The following KANK1 variants were observed in gnomAD, a reference collection of about 807,000 sequenced individuals.
The protein encoded by KANK1 is KN motif and ankyrin repeat domains 1.
A neutral mutation model predicts 106.2 loss-of-function variants in KANK1; 109 were observed. That is an observed-to-expected ratio of 1.03 (90% confidence interval 0.88 to 1.20). The LOEUF is 1.20. Among genes scored for constraint, KANK1 ranks in the 50% most tolerant of loss-of-function variants. The pLI is 0.00. For missense variants in KANK1, 2,399 were observed against 1,710.7 expected, an observed-to-expected ratio of 1.40 and a Z score of -7.10; for synonymous variants, 873 against 652.2, an observed-to-expected ratio of 1.34 and a Z score of -5.16.
Position 711,292 on chromosome 9 carries a change from C to T in KANK1, c.526C>T (p.Pro176Ser), listed in dbSNP as rs201007675. ...EQERATMQMT[P>S]GEFRRPRLAS... Reference sequence around the variant, plus strand: ...GGAGAGAGCCACCATGCAGATGACACCGGGTGAGTTCAGAAGGCCCAGGCT... The same window carrying T: ...GGAGAGAGCCACCATGCAGATGACATCGGGTGAGTTCAGAAGGCCCAGGCT... Residue 176 changes from proline to serine, a missense_variant, in exon 3 of 12, where the codon CCG becomes TCG. Coordinates refer to ENST00000382297, the MANE Select transcript of KANK1 (RefSeq NM_015158.5). 146 of 1,614,026 alleles carry T rather than the reference C, an allele frequency of 9.0e-5. No individual in the cohort carries two copies. The highest frequency in any genetic ancestry group is 3.3e-5 in the Non-Finnish European group (39 of 1,180,042).
At chr9:738,775 G>T (rs1377243851) in intron 8 of KANK1, among the ~76,000 whole-genome samples, 2 of 152,212 alleles carry the variant, frequency 1.3e-5, no homozygotes, top group Admixed American at 1.3e-4. Context: ...AAAGTGAGAG[G>T]TGTATGCCTG....
chr9:557,520 C>T (rs1475580121), intron 1 of KANK1, among the ~76,000 whole-genome samples: 1 of 152,108 alleles, frequency 6.6e-6, no homozygotes, highest in Admixed American at 6.6e-5. Context: ...GAAAAATGTC[C>T]ATATCATCCT....
At chr9:721,442 T>C (rs1002213058) in intron 3 of KANK1, among the ~76,000 whole-genome samples, 1 of 152,146 alleles carries the variant, frequency 6.6e-6, no homozygotes, top group Non-Finnish European at 1.5e-5. Context: ...ATATGGCAAA[T>C]ACTTACTCTT....
intron 1 of KANK1, among the ~76,000 whole-genome samples, chr9:507,016 T>C (rs756513464): frequency 5.3e-5 from 8 of 152,146 alleles, no homozygotes; most frequent in Non-Finnish European, 7.4e-5. Context: ...GTTGAAGCTA[T>C]CCAAATTATG....
At chr9:607,611 T>C (rs930557687) in intron 1 of KANK1, among the ~76,000 whole-genome samples, 1 of 151,594 alleles carries the variant, frequency 6.6e-6, no homozygotes, top group East Asian at 1.9e-4. Flanking sequence ...CAGGACTAGC[T>C]GCACATACCT....
At chr9:575,276 C>T (rs1191098005) in intron 1 of KANK1, among the ~76,000 whole-genome samples, 1 of 152,152 alleles carries the variant, frequency 6.6e-6, no homozygotes, top group African/African-American at 2.4e-5. Context: ...AAAGTTAAAG[C>T]ACAGAGAAAG....
chr9:571,319 G>C (rs1283564436), intron 1 of KANK1, among the ~76,000 whole-genome samples: 1 of 152,210 alleles, frequency 6.6e-6, no homozygotes, highest in Non-Finnish European at 1.5e-5. Flanking sequence ...TTGCTAGAGG[G>C]TATGATAATG....
chr9:532,108 G>C (rs2060083442), intron 1 of KANK1, among the ~76,000 whole-genome samples: 3 of 152,200 alleles, frequency 2.0e-5, no homozygotes, highest in African/African-American at 4.8e-5. Flanking sequence ...AGCCCCTGTG[G>C]TCAGTCCTTT....
intron 1 of KANK1, among the ~76,000 whole-genome samples, chr9:535,911 A>T (rs184435229): frequency 6.6e-6 from 1 of 152,268 alleles, no homozygotes; most frequent in African/African-American, 2.4e-5. Context: ...AAATTCTTCC[A>T]AGCTCCTTCA....
At chr9:504,052 G>A (rs545697411), upstream of KANK1, among the ~76,000 whole-genome samples, 13 of 152,256 alleles carry the variant, frequency 8.5e-5, no homozygotes, top group South Asian at 2.1e-4. Flanking sequence ...CGGGGCGACC[G>A]TGCTGACGAG....
chr9:740,246 C>A (rs1324054015), intron 8 of KANK1, among the ~76,000 whole-genome samples: 3 of 152,128 alleles, frequency 2.0e-5, no homozygotes, highest in Admixed American at 2.0e-4. Context: ...TTGTTCTCGA[C>A]CATAAATTCT....
chr9:479,036 C>T (rs2058157177), intron 3 of KANK1, among the ~76,000 whole-genome samples: 1 of 151,912 alleles, frequency 6.6e-6, no homozygotes, highest in African/African-American at 2.4e-5. Context: ...TCATGTTCAG[C>T]CTCCTGAGTA....
chr9:641,353 T>C (rs1342121084), intron 1 of KANK1, among the ~76,000 whole-genome samples: 2 of 152,218 alleles, frequency 1.3e-5, no homozygotes, highest in African/African-American at 4.8e-5. Flanking sequence ...GAATCCTCCT[T>C]ATCAGATACC....
intron 2 of KANK1, among the ~76,000 whole-genome samples, chr9:689,731 G>C (rs1312858008): frequency 6.7e-6 from 1 of 148,890 alleles, no homozygotes; most frequent in East Asian, 2.0e-4. Context: ...AGCACCTAAG[G>C]GGAGGGGTCG....
chr9:589,927 G>A (rs1251357515), intron 1 of KANK1, among the ~76,000 whole-genome samples: 2 of 152,192 alleles, frequency 1.3e-5, no homozygotes, highest in African/African-American at 2.4e-5. Flanking sequence ...GACAGATTCT[G>A]TGAACCCCTT....
chr9:558,542 A>G (rs1164503908), intron 1 of KANK1, among the ~76,000 whole-genome samples: 1 of 152,234 alleles, frequency 6.6e-6, no homozygotes, highest in East Asian at 1.9e-4. Context: ...AGAGCACTGT[A>G]TCTCATGCCT....
chr9:607,213 C>T (rs1256271079), intron 1 of KANK1, among the ~76,000 whole-genome samples: 1 of 151,746 alleles, frequency 6.6e-6, no homozygotes, highest in East Asian at 1.9e-4. Flanking sequence ...TAGCAAGGGG[C>T]AGTGACTTAT....
Position 494,891 on chromosome 9 carries a change from A to G in KANK1, c.-362+21618A>G, listed in dbSNP as rs535110352. On this transcript the variant is annotated intron_variant, in intron 3 of 15. Coordinates refer to the KANK1 transcript ENST00000382303. The stretch of plus-strand genomic sequence containing the variant: ...GAAAGTTAAATAGATCAGCTCTCTT[A>G]GATACATAAAACACAGATAACACAG... Among the ~76,000 whole-genome samples the G allele has an allele frequency of 4.2e-4, 64 of 152,116 alleles. 1 individual carries two copies. Among genetic ancestry groups the G allele is most frequent in the African/African-American group, 1.5e-3 (61 of 41,346 alleles).
At chr9:548,378 G>A (rs1004198622) in intron 1 of KANK1, among the ~76,000 whole-genome samples, 3 of 152,082 alleles carry the variant, frequency 2.0e-5, no homozygotes, top group Admixed American at 2.0e-4. Context: ...ATAGTTGGGG[G>A]GTTCCTGAGC....
Sources: allele counts gnomAD v4.1 joint callset (sites outside exome capture counted in the v4.1 genomes callset), GRCh38; gene constraint gnomAD v4.1.1; transcripts MANE v1.5; gene names NCBI Gene and HGNC (gene_info 2026-07-23, HGNC 2026-07-21).